DGKB: variants seen among roughly 807,000 people sequenced by gnomAD.
The protein encoded by DGKB is 90 kDa diacylglycerol kinase.
A neutral mutation model predicts 114.3 loss-of-function variants in DGKB; 67 were observed. The ratio of observed to expected loss-of-function variants is 0.59; its 90% confidence interval spans 0.48 to 0.72. DGKB has a LOEUF of 0.72. Among genes scored for constraint, DGKB ranks in the 30% least tolerant of loss-of-function variants. DGKB has a pLI of 0.00. For synonymous variants in DGKB, 398 were observed against 323.1 expected (o/e 1.23, Z -2.49); for missense variants, 907 against 975.2 (o/e 0.93, Z 0.93).
intron 20 of DGKB, among the ~76,000 whole-genome samples, chr7:14,536,670 C>T (rs1792552332): frequency 6.6e-6 from 1 of 152,128 alleles, no homozygotes; most frequent in South Asian, 2.1e-4. Context: ...TAGAAGGAAG[C>T]TGTCTCAACA....
chr7:14,484,846 CAT>C (rs1783531078), intron 20 of DGKB, among the ~76,000 whole-genome samples: 1 of 151,980 alleles, frequency 6.6e-6, no homozygotes. Flanking sequence ...ATTATTTATA[CAT>C]GATATAATGT....
intron 21 of DGKB, among the ~76,000 whole-genome samples, chr7:14,369,324 T>G (rs561639422): frequency 6.6e-6 from 1 of 152,164 alleles, no homozygotes; most frequent in Non-Finnish European, 1.5e-5. Flanking sequence ...CTATCATTGA[T>G]GGGCATTTGG....
At chr7:14,783,061 T>A (rs1258038178) in intron 2 of DGKB, among the ~76,000 whole-genome samples, 2 of 152,198 alleles carry the variant, frequency 1.3e-5, no homozygotes, top group African/African-American at 2.4e-5. Flanking sequence ...ACTTTGCCTT[T>A]CTTAACTTTC....
chr7:14,165,434 T>C (rs1784479143), intron 25 of DGKB, among the ~76,000 whole-genome samples: 1 of 152,264 alleles, frequency 6.6e-6, no homozygotes, highest in African/African-American at 2.4e-5. Context: ...CACAAAAAAA[T>C]GCGAATTCTA....
At chr7:14,463,209 A>G (rs889140051) in intron 21 of DGKB, among the ~76,000 whole-genome samples, 2 of 151,440 alleles carry the variant, frequency 1.3e-5, no homozygotes, top group African/African-American at 4.9e-5. Flanking sequence ...ACATGGAAAC[A>G]GGGAGGGGAA....
At chr7:14,778,580 TTAGAAGGTAAAGAGAAAC>T (rs1838578490) in intron 2 of DGKB, among the ~76,000 whole-genome samples, 1 of 152,184 alleles carries the variant, frequency 6.6e-6, no homozygotes, top group African/African-American at 2.4e-5. Context: ...GCTTGATTTT[TTAGAAGGTAAAGAGAAAC>T]TAGAAGGTAA....
intron 1 of DGKB, among the ~76,000 whole-genome samples, chr7:14,856,996 A>G (rs928843966): frequency 6.6e-6 from 1 of 152,150 alleles, no homozygotes; most frequent in East Asian, 1.9e-4. Context: ...TTCCTGACCA[A>G]TAGAACATGG....
chr7:14,737,892 CAA>C (rs72307217), intron 4 of DGKB, among the ~76,000 whole-genome samples: 12,706 of 104,408 alleles, frequency 0.12, 578 homozygotes, highest in East Asian at 0.26. Flanking sequence ...GACTCCGTCT[CAA>C]AAAAAAAAAA....
Position 14,152,559 on chromosome 7 carries a change from T to A in DGKB, c.2305-3321A>T, listed in dbSNP as rs530630392. 4.7e-4 allele frequency among the ~76,000 whole-genome samples: 71 copies of A among 152,188 alleles called. 1 individual carries two copies. In the South Asian group the frequency reaches 0.012, roughly 27 times the overall value. The stretch of plus-strand genomic sequence containing the variant: ...ATGTACCCTTCTAGAAAAGCAACAG[T>A]GGCAGAGAAAGGTTCTTCCACTGCC... On this transcript the variant is annotated intron_variant, in intron 25 of 25. Coordinates refer to ENST00000402815, the MANE Select transcript of DGKB (RefSeq NM_001350709.2).
intron 4 of DGKB, among the ~76,000 whole-genome samples, chr7:14,753,595 A>G (rs968689368): frequency 3.9e-5 from 6 of 152,216 alleles, no homozygotes; most frequent in Admixed American, 3.9e-4. Context: ...ATAAATTAAG[A>G]CTTTTACTAA....
chr7:14,959,358 G>C (rs576339695), intron 1 of DGKB, among the ~76,000 whole-genome samples: 21 of 149,360 alleles, frequency 1.4e-4, no homozygotes, highest in African/African-American at 4.9e-4. Flanking sequence ...TTTTATACCT[G>C]CAATTTTCAG....
At chr7:14,757,887 G>A (rs1835123032) in intron 2 of DGKB, among the ~76,000 whole-genome samples, 156 bp from the exon 3 acceptor site, 1 of 151,996 alleles carries the variant, frequency 6.6e-6, no homozygotes, top group Non-Finnish European at 1.5e-5. Flanking sequence ...TTTTTGAAAG[G>A]CTATTTAATT....
upstream of DGKB, among the ~76,000 whole-genome samples, chr7:14,908,081 G>A (rs1047141877): frequency 2.6e-5 from 4 of 152,180 alleles, no homozygotes; most frequent in African/African-American, 9.7e-5. Flanking sequence ...TGGATGTGGA[G>A]TAAACTATAA....
intron 25 of DGKB, among the ~76,000 whole-genome samples, chr7:14,163,403 A>T (rs1335300515): frequency 2.6e-5 from 4 of 152,230 alleles, no homozygotes. Flanking sequence ...CAAACTAATT[A>T]ATGCATAAGT....
chr7:14,269,665 G>C (rs947502327), intron 23 of DGKB, among the ~76,000 whole-genome samples: 2 of 152,156 alleles, frequency 1.3e-5, no homozygotes, highest in Non-Finnish European at 2.9e-5. Flanking sequence ...GCTAGATCAG[G>C]AGAAATAGTG....
intron 23 of DGKB, among the ~76,000 whole-genome samples, chr7:14,278,106 G>A (rs2190672): frequency 0.12 from 18,492 of 152,120 alleles, 3,222 homozygotes; most frequent in African/African-American, 0.39. Flanking sequence ...CAATTCCTAT[G>A]AAAATCCCAA....
intron 25 of DGKB, among the ~76,000 whole-genome samples, chr7:14,174,157 C>T (rs1338508155): frequency 6.6e-6 from 1 of 152,164 alleles, no homozygotes; most frequent in Non-Finnish European, 1.5e-5. Context: ...AGATTTCCAG[C>T]ATGCACCGGG....
At chr7:14,574,068 A>C in intron 20 of DGKB, 144 bp downstream of exon 20, 1 of 569,670 alleles carries the variant, frequency 1.8e-6, no homozygotes, top group Non-Finnish European at 3.0e-6. Flanking sequence ...TAGAGCAATA[A>C]TAATTGCCTA....
intron 22 of DGKB, among the ~76,000 whole-genome samples, chr7:14,339,558 TCA>T (rs1811269685): frequency 6.6e-6 from 1 of 152,084 alleles, no homozygotes; most frequent in African/African-American, 2.4e-5. Flanking sequence ...TTCAGAGTGG[TCA>T]CTTCTTAGTT....
Sources: gnomAD v4.1 joint callset for allele counts (sites outside exome capture counted in the v4.1 genomes callset) on GRCh38, gnomAD v4.1.1 for gene constraint, MANE v1.5 for transcripts, NCBI Gene and HGNC (gene_info 2026-07-23, HGNC 2026-07-21) for gene names.